The following KDM4C variants were observed in gnomAD, a reference collection of about 807,000 sequenced individuals.
KDM4C encodes the protein lysine demethylase 4C, also known as lysine-specific demethylase 4C.
In KDM4C, 81 loss-of-function variants were observed where a neutral mutation model predicts 129.3. The ratio of observed to expected loss-of-function variants is 0.63; its 90% CI spans 0.52 to 0.75. KDM4C has a LOEUF of 0.75. KDM4C is among the 30% of genes least tolerant of loss of function. The pLI is 0.00. For missense variants in KDM4C, 1,457 were observed against 1,304.0 expected (o/e 1.12, Z -1.81); for synonymous variants, 573 against 456.1 (o/e 1.26, Z -3.26).
intron 12 of KDM4C, among the ~76,000 whole-genome samples, chr9:6,993,744 A>AT (rs1819182905): frequency 6.6e-6 from 1 of 152,162 alleles, no homozygotes; most frequent in African/African-American, 2.4e-5. Context: ...CCAGCTTAGA[A>AT]ATCTGCGGCA....
intron 17 of KDM4C, among the ~76,000 whole-genome samples, chr9:7,093,587 G>A (rs983329770): frequency 2.0e-5 from 3 of 152,038 alleles, no homozygotes; most frequent in Admixed American, 6.6e-5. Flanking sequence ...GGGTTTTTTT[G>A]TGTGTGTGTC....
intron 15 of KDM4C, among the ~76,000 whole-genome samples, chr9:7,027,658 C>A (rs186863884): frequency 6.6e-6 from 1 of 152,328 alleles, no homozygotes; most frequent in Admixed American, 6.5e-5. Flanking sequence ...GCTAGCTAGG[C>A]TTGTGTCCTG....
chr9:7,028,766 C>A (rs574870881), intron 15 of KDM4C, among the ~76,000 whole-genome samples: 1 of 152,098 alleles, frequency 6.6e-6, no homozygotes, highest in Admixed American at 6.5e-5. Context: ...CTCCCTCTGA[C>A]GTGGACTGGT....
chr9:7,167,230 G>C (rs938962879), intron 20 of KDM4C, among the ~76,000 whole-genome samples: 3 of 152,176 alleles, frequency 2.0e-5, no homozygotes, highest in Non-Finnish European at 4.4e-5. Flanking sequence ...TTCTCTCTCA[G>C]CTCTGCCCTA....
chr9:6,835,428 G>T, intron 4 of KDM4C: 5 of 1,172,682 alleles, frequency 4.3e-6, no homozygotes, highest in Non-Finnish European at 6.4e-6. Flanking sequence ...GCACGATGAA[G>T]ATCAAGATCA....
intron 15 of KDM4C, among the ~76,000 whole-genome samples, chr9:7,033,748 G>T (rs1827173513): frequency 6.6e-6 from 1 of 152,160 alleles, no homozygotes; most frequent in Non-Finnish European, 1.5e-5. Context: ...TCTTGATTGA[G>T]AACAAATGCC....
Position 7,140,137 on chromosome 9 carries a change from G to A in KDM4C, c.2781+11901G>A, listed in dbSNP as rs189350428. Among the ~76,000 whole-genome samples, 314 of 152,256 alleles carry A rather than the reference G, an allele frequency of 2.1e-3. 2 individuals carry two copies. The highest frequency in any genetic ancestry group is 7.3e-3 in the African/African-American group (303 of 41,558). ...GGTGTTTCCCATGTATTAGGAGACA[G>A]CCTTTCCCTGGTGCCAGCTGTGACC... On this transcript the variant is annotated intron_variant, in intron 19 of 21. Transcript: ENST00000381309.
At position 6,998,533 on chromosome 9, in the gene KDM4C, C is replaced by T. The variant is rs531012714; in HGVS notation, c.1786+8009C>T. Among the ~76,000 whole-genome samples the T allele has an allele frequency of 7.2e-5, 11 of 152,242 alleles. No homozygotes were observed. In the East Asian group the frequency reaches 1.2e-3, roughly 16 times the overall value. On this transcript the variant is annotated intron_variant, in intron 12 of 21. Transcript: ENST00000381309. ...TTTATAGGCTGGGTTTGGTGGCTCACGCCTGTAATCCCAGCACTTTGGGAG... is the reference window on the plus strand; with the variant it reads ...TTTATAGGCTGGGTTTGGTGGCTCATGCCTGTAATCCCAGCACTTTGGGAG...
intron 19 of KDM4C, among the ~76,000 whole-genome samples, chr9:7,134,075 C>T (rs757223046): frequency 4.6e-5 from 7 of 152,316 alleles, no homozygotes; most frequent in Non-Finnish European, 7.4e-5. Flanking sequence ...TCCCTCTCCC[C>T]CTCCCTGCCA....
At chr9:6,845,837 G>A (rs899812646) in intron 4 of KDM4C, among the ~76,000 whole-genome samples, 1 of 152,210 alleles carries the variant, frequency 6.6e-6, no homozygotes, top group East Asian at 1.9e-4. Flanking sequence ...AGTTTTGTTC[G>A]AGGGAGACAG....
chr9:6,949,184 G>A (rs1827602284), intron 8 of KDM4C, among the ~76,000 whole-genome samples: 1 of 150,988 alleles, frequency 6.6e-6, no homozygotes. Context: ...TGGCTGCCGG[G>A]CGGAGGGGCT....
At chr9:7,114,722 G>T (rs1018323017) in intron 18 of KDM4C, among the ~76,000 whole-genome samples, 2 of 152,114 alleles carry the variant, frequency 1.3e-5, no homozygotes, top group Non-Finnish European at 2.9e-5. Flanking sequence ...TTTATGCTTG[G>T]CTCTGTCATT....
chr9:6,758,281 C>T lies in KDM4C; in HGVS notation c.-18+78C>T. ...GTCTTCCCGGCACTGCCCCCCTCCG[C>T]GTGGGGCACGGGGGTGCGGGCGTCC... On this transcript the variant is annotated intron_variant, in intron 1 of 21. Transcript: ENST00000381309. This position sits in a 1 kb window ranked among gnomAD's most constrained non-coding sequence, Gnocchi z 4.6. 1.2e-6 allele frequency: 1 copy of T among 854,704 alleles called. No homozygotes were observed. Among genetic ancestry groups the T allele is most frequent in the Non-Finnish European group, 1.4e-6 (1 of 710,838 alleles). The allele number at this position is 854,704 out of a possible 1,614,324, so 52.9% of individuals were successfully genotyped here. A position where few individuals can be genotyped will look rare whatever the true frequency, so the allele number is the denominator to read the frequency against.
chr9:6,798,724 C>T (rs1022896138), intron 2 of KDM4C, among the ~76,000 whole-genome samples: 21 of 152,246 alleles, frequency 1.4e-4, no homozygotes, highest in African/African-American at 5.1e-4. Flanking sequence ...CCGCCATTGT[C>T]ATCATGGCCC....
At position 7,003,980 on chromosome 9, in the gene KDM4C, C is replaced by G. The variant is rs565231363; in HGVS notation, c.1787-7718C>G. Among the ~76,000 whole-genome samples, 10 of 152,238 alleles carry G rather than the reference C, an allele frequency of 6.6e-5. No homozygotes were observed. In the East Asian group the frequency reaches 1.7e-3, roughly 26 times the overall value. On this transcript the variant is annotated intron_variant, in intron 12 of 21. Coordinates refer to ENST00000381309, the MANE Select transcript of KDM4C (RefSeq NM_015061.6). ...TGCCTCCCAGGACTGAGATTTTGCTCAAGTACCTGAAACGTAACAGATGCT... is the reference window on the plus strand; with the variant it reads ...TGCCTCCCAGGACTGAGATTTTGCTGAAGTACCTGAAACGTAACAGATGCT...
rs150172613 is a variant in KDM4C at position 6,921,284 on chromosome 9, C to G, written c.921+28052C>G. Among the ~76,000 whole-genome samples, 768 of 152,292 alleles carry G rather than the reference C, an allele frequency of 5.0e-3. 4 individuals are homozygous for G. The highest frequency in any genetic ancestry group is 0.017 in the African/African-American group (702 of 41,552). On this transcript the variant is annotated intron_variant, in intron 8 of 21. Transcript: ENST00000381309. ...CTTTAGCCTGGACTTTTCCTTGGAACCCACAAACTCCTGCCATGAAATCAA... is the reference window on the plus strand; with the variant it reads ...CTTTAGCCTGGACTTTTCCTTGGAAGCCACAAACTCCTGCCATGAAATCAA...
chr9:6,867,306 G>T (rs939675218), intron 5 of KDM4C, among the ~76,000 whole-genome samples: 3 of 152,160 alleles, frequency 2.0e-5, no homozygotes, highest in Non-Finnish European at 2.9e-5. Context: ...GAGCCGCTGC[G>T]CCCGGCCAGT....
chr9:7,144,927 C>A (rs550812629), intron 19 of KDM4C, among the ~76,000 whole-genome samples: 2 of 152,356 alleles, frequency 1.3e-5, no homozygotes, highest in Admixed American at 6.5e-5. Context: ...TGTAGCTTTA[C>A]CACAGAAGCT....
At position 7,103,831 on chromosome 9, in the gene KDM4C, G is replaced by T. The variant is rs1252817089; in HGVS notation, c.2571G>T (p.Val857=). 1 of 1,613,962 alleles carries T rather than the reference G, an allele frequency of 6.2e-7. No homozygotes were observed. The highest frequency in any genetic ancestry group is 8.5e-7 in the Non-Finnish European group (1 of 1,179,922). The change falls in exon 18 of 22, where the codon GTG becomes GTT. Residue 857 remains valine, a synonymous_variant. Transcript: ENST00000381309. Reference sequence around the variant, plus strand: ...AGCCTGATGACTGGCCTTATGTGGTGAACATTACATGCTTTCGACATAAGG... The same window carrying T: ...AGCCTGATGACTGGCCTTATGTGGTTAACATTACATGCTTTCGACATAAGG... ...LMEPDDWPYV[V]NITCFRHKVN...
Sources: allele counts gnomAD v4.1 joint callset (sites outside exome capture counted in the v4.1 genomes callset), GRCh38; gene constraint gnomAD v4.1.1; non-coding constraint Gnocchi (gnomAD v3.1); transcripts MANE v1.5; gene names NCBI Gene and HGNC (gene_info 2026-07-23, HGNC 2026-07-21).